The following ZNF804B variants were observed in gnomAD, a reference collection of about 807,000 sequenced individuals.
ZNF804B encodes the protein zinc finger protein 804B, also known as zinc finger 804B.
In ZNF804B, 80 loss-of-function variants were observed where a neutral mutation model predicts 101.4. That is an observed-to-expected ratio of 0.79 (90% CI 0.66 to 0.95). The LOEUF (loss-of-function observed/expected upper bound fraction) is 0.95, where lower values mean the gene tolerates loss of function less well. ZNF804B is among the 40% of genes least tolerant of loss of function. ZNF804B has a pLI of 0.00. For synonymous variants in ZNF804B, 622 were observed against 558.8 expected (o/e 1.11, Z -1.59); for missense variants, 1,673 against 1,561.9 (o/e 1.07, Z -1.20).
At chr7:88,765,789 C>T (rs1424286685) in intron 1 of ZNF804B, among the ~76,000 whole-genome samples, 2 of 152,046 alleles carry the variant, frequency 1.3e-5, no homozygotes, top group African/African-American at 2.4e-5. Context: ...AGAATAAGAT[C>T]TGGAGAGAGA....
chr7:88,940,027 TA>T (rs1292838163), intron 1 of ZNF804B, among the ~76,000 whole-genome samples: 1 of 151,622 alleles, frequency 6.6e-6, no homozygotes, highest in Non-Finnish European at 1.5e-5. Context: ...AAAACACAAT[TA>T]AAAAATCTTA....
intron 1 of ZNF804B, among the ~76,000 whole-genome samples, chr7:88,829,120 T>C (rs968882369): frequency 3.3e-5 from 5 of 152,138 alleles, no homozygotes; most frequent in Non-Finnish European, 1.5e-5. Context: ...GATCTCTCTC[T>C]GTCACCCAGG....
At chr7:88,867,550 A>G (rs1295878572) in intron 1 of ZNF804B, among the ~76,000 whole-genome samples, 1 of 152,222 alleles carries the variant, frequency 6.6e-6, no homozygotes, top group Non-Finnish European at 1.5e-5. Flanking sequence ...TTTCCTCACT[A>G]AGTGTACAGA....
intron 1 of ZNF804B, among the ~76,000 whole-genome samples, chr7:89,069,603 A>G (rs1789504960): frequency 6.6e-6 from 1 of 152,126 alleles, no homozygotes; most frequent in Non-Finnish European, 1.5e-5. Context: ...ATGCTATGAT[A>G]TCTTATGAAC....
intron 1 of ZNF804B, among the ~76,000 whole-genome samples, chr7:89,013,275 GT>G (rs1788492257): frequency 1.3e-5 from 2 of 152,258 alleles, no homozygotes; most frequent in Middle Eastern, 3.4e-3. Flanking sequence ...CCTGCGAGCA[GT>G]TAAGAGAGAA....
chr7:89,036,046 C>G (rs1298245634), intron 1 of ZNF804B, among the ~76,000 whole-genome samples: 1 of 144,600 alleles, frequency 6.9e-6, no homozygotes, highest in Non-Finnish European at 1.5e-5. Context: ...ATATATAATC[C>G]AAGTTAAAGC....
intron 1 of ZNF804B, among the ~76,000 whole-genome samples, chr7:89,065,282 C>T (rs1311699674): frequency 6.6e-6 from 1 of 152,182 alleles, no homozygotes; most frequent in Non-Finnish European, 1.5e-5. Context: ...GCCCTGAAGG[C>T]AGCCTGTTGG....
At chr7:89,164,370 G>T (rs1791110909) in intron 1 of ZNF804B, among the ~76,000 whole-genome samples, 1 of 151,996 alleles carries the variant, frequency 6.6e-6, no homozygotes, top group Admixed American at 6.6e-5. Flanking sequence ...TATTTTGAAA[G>T]AAACTATCGT....
At chr7:89,290,779 A>G (rs931744620) in intron 2 of ZNF804B, among the ~76,000 whole-genome samples, 4 of 152,124 alleles carry the variant, frequency 2.6e-5, no homozygotes, top group African/African-American at 9.7e-5. Flanking sequence ...ATCACTTCTG[A>G]GAGCCTTGAA....
intron 1 of ZNF804B, among the ~76,000 whole-genome samples, chr7:88,926,946 G>GGGT (rs1554346850): frequency 1.3e-5 from 2 of 148,774 alleles, no homozygotes; most frequent in Non-Finnish European, 3.0e-5. Flanking sequence ...TGGGGAGCGG[G>GGGT]GGGAAAGCTG....
intron 1 of ZNF804B, among the ~76,000 whole-genome samples, chr7:89,154,618 C>G (rs1024198011): frequency 6.6e-6 from 1 of 152,062 alleles, no homozygotes; most frequent in African/African-American, 2.4e-5. Context: ...CACAGAAAGA[C>G]AAACATCACA....
chr7:89,313,646 A>G (rs1790677113), intron 2 of ZNF804B, among the ~76,000 whole-genome samples: 1 of 152,166 alleles, frequency 6.6e-6, no homozygotes, highest in Non-Finnish European at 1.5e-5. Context: ...GGGAATAAAG[A>G]TTTTTTAGTT....
chr7:89,301,575 A>G (rs1790474040), intron 2 of ZNF804B, among the ~76,000 whole-genome samples: 1 of 151,910 alleles, frequency 6.6e-6, no homozygotes, highest in African/African-American at 2.4e-5. Flanking sequence ...ATAGCTAGTT[A>G]GTATTCCTTG....
chr7:89,009,234 C>G (rs1788415862), intron 1 of ZNF804B, among the ~76,000 whole-genome samples: 1 of 152,080 alleles, frequency 6.6e-6, no homozygotes, highest in African/African-American at 2.4e-5. Flanking sequence ...TTATCACTTT[C>G]TTAATCTATT....
At chr7:89,035,447 T>A (rs1788910951) in intron 1 of ZNF804B, among the ~76,000 whole-genome samples, 1 of 151,936 alleles carries the variant, frequency 6.6e-6, no homozygotes, top group Non-Finnish European at 1.5e-5. Flanking sequence ...AAAAATCAGC[T>A]ACGTTGGCTT....
intron 1 of ZNF804B, among the ~76,000 whole-genome samples, chr7:89,058,901 C>G (rs566359734): frequency 6.6e-6 from 1 of 152,158 alleles, no homozygotes. Flanking sequence ...GCCATGTTGC[C>G]CAGGCTGGTC....
At chr7:88,877,045 ATATATTTTTTTTTTTTT>A (rs1791961693) in intron 1 of ZNF804B, among the ~76,000 whole-genome samples, 2 of 36,504 alleles carry the variant, frequency 5.5e-5, no homozygotes, top group Non-Finnish European at 9.2e-5. Context: ...ATATATATAT[ATATATTTTTTTTTTTTT>A]TTTTTTTTTT....
chr7:88,942,758 T>G (rs1793074576), intron 1 of ZNF804B, among the ~76,000 whole-genome samples: 1 of 151,806 alleles, frequency 6.6e-6, no homozygotes, highest in Non-Finnish European at 1.5e-5. Context: ...ACCTTATATA[T>G]TATGTGTGTT....
intron 1 of ZNF804B, among the ~76,000 whole-genome samples, chr7:89,198,040 A>G (rs1051033865): frequency 6.6e-6 from 1 of 152,008 alleles, no homozygotes; most frequent in Admixed American, 6.6e-5. Flanking sequence ...TCATGAAAAT[A>G]TTCACTAAAT....
Sources: gnomAD v4.1 joint callset for allele counts (sites outside exome capture counted in the v4.1 genomes callset) on GRCh38, gnomAD v4.1.1 for gene constraint, MANE v1.5 for transcripts, NCBI Gene and HGNC (gene_info 2026-07-23, HGNC 2026-07-21) for gene names.